MAML2: variants seen among roughly 807,000 people sequenced by gnomAD.
The protein encoded by MAML2 is mastermind-like protein 2.
Under a neutral mutation model 96.1 loss-of-function variants are expected in MAML2, and 22 were observed. The observed-to-expected ratio is 0.23, with a 90% CI of 0.16 to 0.33. The LOEUF (loss-of-function observed/expected upper bound fraction) is 0.33. Among genes scored for constraint, MAML2 ranks in the 10% least tolerant of loss-of-function variants. The probability of loss-of-function intolerance (pLI) is 1.00; values close to 1 mark genes in which losing one functional copy is unlikely to be tolerated. For synonymous variants in MAML2, 561 were observed against 521.3 expected, an observed-to-expected ratio of 1.08 and a Z score of -1.04; for missense variants, 1,367 against 1,392.4, an observed-to-expected ratio of 0.98 and a Z score of 0.29.
At chr11:96,002,652 G>A (rs1039357127) in intron 2 of MAML2, among the ~76,000 whole-genome samples, 29 of 3,782 alleles carry the variant, frequency 7.7e-3, no homozygotes, top group African/African-American at 0.028. Flanking sequence ...TGATGAGGAT[G>A]ATGATGGGGA....
At chr11:96,256,787 C>A (rs1257106183) in intron 1 of MAML2, among the ~76,000 whole-genome samples, 1 of 152,204 alleles carries the variant, frequency 6.6e-6, no homozygotes, top group Non-Finnish European at 1.5e-5. Context: ...TTATTTTACA[C>A]ATCTGAAGCC....
At chr11:96,113,083 CA>C (rs61253815) in intron 1 of MAML2, among the ~76,000 whole-genome samples, 137,047 of 149,808 alleles carry the variant, frequency 0.91, 62,555 homozygotes, top group East Asian at 1. Context: ...TTTTGCAGGG[CA>C]AAAAAAAAGG....
chr11:95,988,810 A>T (rs1174959234), intron 3 of MAML2, among the ~76,000 whole-genome samples: 2 of 152,202 alleles, frequency 1.3e-5, no homozygotes, highest in African/African-American at 4.8e-5. Flanking sequence ...GTAAACATAT[A>T]GGCCATTCTT....
intron 1 of MAML2, among the ~76,000 whole-genome samples, chr11:96,186,865 T>C (rs1214410751): frequency 6.6e-6 from 1 of 152,222 alleles, no homozygotes; most frequent in African/African-American, 2.4e-5. Context: ...GTGTATCTCA[T>C]AGAGAGAAGC....
intron 1 of MAML2, among the ~76,000 whole-genome samples, chr11:96,135,545 CTTTTT>C (rs10665067): frequency 3.3e-4 from 46 of 139,522 alleles, no homozygotes; most frequent in Non-Finnish European, 3.1e-4. Flanking sequence ...CAATCCAAGG[CTTTTT>C]TTTTTTTTTT....
chr11:96,271,655 T>C (rs1862916630), intron 1 of MAML2, among the ~76,000 whole-genome samples: 1 of 152,166 alleles, frequency 6.6e-6, no homozygotes, highest in Non-Finnish European at 1.5e-5. Context: ...ATGTGTTTGC[T>C]TCCCCTCCCA....
intron 1 of MAML2, among the ~76,000 whole-genome samples, chr11:96,116,267 T>C (rs1184377509): frequency 6.6e-6 from 1 of 152,228 alleles, no homozygotes; most frequent in Non-Finnish European, 1.5e-5. Flanking sequence ...AACATTTGCA[T>C]ATGTCCCTTC....
intron 1 of MAML2, among the ~76,000 whole-genome samples, chr11:96,284,041 A>T (rs1863106960): frequency 6.6e-6 from 1 of 152,076 alleles, no homozygotes; most frequent in Non-Finnish European, 1.5e-5. Flanking sequence ...TTCAGTTCTC[A>T]TCCTCTTACA....
intron 1 of MAML2, among the ~76,000 whole-genome samples, chr11:96,284,836 A>G (rs897717794): frequency 6.6e-6 from 1 of 152,174 alleles, no homozygotes; most frequent in Non-Finnish European, 1.5e-5. Context: ...CTAACTCATC[A>G]CTCTATAATA....
At chr11:96,287,563 T>G (rs1863157045) in intron 1 of MAML2, among the ~76,000 whole-genome samples, 1 of 152,202 alleles carries the variant, frequency 6.6e-6, no homozygotes, top group Non-Finnish European at 1.5e-5. Flanking sequence ...TATAGAGACA[T>G]CTACTTTTTT....
At chr11:96,189,800 C>T (rs1047869990) in intron 1 of MAML2, among the ~76,000 whole-genome samples, 11 of 152,158 alleles carry the variant, frequency 7.2e-5, no homozygotes, top group African/African-American at 2.4e-4. Context: ...GAATCCATCA[C>T]AAGAGGAAAT....
chr11:96,174,306 C>G (rs1456973829), intron 1 of MAML2, among the ~76,000 whole-genome samples: 1 of 152,236 alleles, frequency 6.6e-6, no homozygotes, highest in East Asian at 1.9e-4. Context: ...TGTGAACACT[C>G]CCCCAGGACA....
chr11:96,198,768 C>T (rs984881830), intron 1 of MAML2, among the ~76,000 whole-genome samples: 2 of 152,130 alleles, frequency 1.3e-5, no homozygotes, highest in Non-Finnish European at 2.9e-5. Context: ...CGTACCATCC[C>T]TTACTTTTGG....
At chr11:96,001,704 G>A (rs1028032923) in intron 2 of MAML2, among the ~76,000 whole-genome samples, 4 of 152,062 alleles carry the variant, frequency 2.6e-5, no homozygotes, top group Admixed American at 6.6e-5. Context: ...CTTGGATACA[G>A]CCTCTACACT....
intron 1 of MAML2, among the ~76,000 whole-genome samples, chr11:96,325,278 C>T (rs515069): frequency 0.45 from 67,904 of 151,900 alleles, 15,278 homozygotes; most frequent in East Asian, 0.58. Context: ...TAGACTGATG[C>T]TTACTAGTGG....
At chr11:96,023,310 G>C (rs1352542841) in intron 2 of MAML2, among the ~76,000 whole-genome samples, 1 of 152,216 alleles carries the variant, frequency 6.6e-6, no homozygotes, top group African/African-American at 2.4e-5. Context: ...TGGAGTCACT[G>C]TTTGCATATT....
intron 1 of MAML2, among the ~76,000 whole-genome samples, chr11:96,245,796 C>T (rs781011115): frequency 5.3e-5 from 8 of 151,682 alleles, no homozygotes; most frequent in East Asian, 1.9e-4. Context: ...CCTCTGCCTC[C>T]GGGGTTCAAG....
chr11:96,204,440 A>G (rs2135933392), intron 1 of MAML2, among the ~76,000 whole-genome samples: 1 of 152,318 alleles, frequency 6.6e-6, no homozygotes, highest in South Asian at 2.1e-4. Context: ...AATTTGCAAA[A>G]GTGTTGTGAA....
Position 96,000,418 on chromosome 11 carries a change from T to C in MAML2, c.2140-8695A>G, listed in dbSNP as rs1294003156. ...TTCCCACTATAATAACAGAGTTGAA[T>C]AGTTGTGCCAGAGACCTACGGCACA... On this transcript the variant is annotated intron_variant, in intron 2 of 4. Transcript: ENST00000524717. Among the ~76,000 whole-genome samples, 4 of 152,246 alleles carry C rather than the reference T, an allele frequency of 2.6e-5. No homozygotes were observed. In the South Asian group the frequency reaches 6.2e-4, roughly 24 times the overall value.
Sources: gnomAD v4.1 joint callset for allele counts (sites outside exome capture counted in the v4.1 genomes callset) on GRCh38, gnomAD v4.1.1 for gene constraint, MANE v1.5 for transcripts, NCBI Gene and HGNC (gene_info 2026-07-23, HGNC 2026-07-21) for gene names.